SYT6: variants seen among roughly 807,000 people sequenced by gnomAD.
SYT6 encodes synaptotagmin 6.
SYT6 carries 24 observed loss-of-function variants against 38.4 expected under a neutral mutation model. The observed-to-expected ratio is 0.62, with a 90% CI of 0.45 to 0.88. SYT6 has a LOEUF of 0.88. SYT6 is among the 40% of genes least tolerant of loss of function. The pLI is 0.00. For synonymous variants in SYT6, 265 were observed against 241.9 expected, an observed-to-expected ratio of 1.10 and a Z score of -0.89; for missense variants, 611 against 621.0, an observed-to-expected ratio of 0.98 and a Z score of 0.17.
At chr1:114,094,513 G>A (rs1018651316) in intron 6 of SYT6, among the ~76,000 whole-genome samples, 1 of 152,208 alleles carries the variant, frequency 6.6e-6, no homozygotes, top group Admixed American at 6.5e-5. Flanking sequence ...TGGTGCTGCA[G>A]CTGGGAAAGG....
At chr1:114,143,410 G>A (rs1315244047) in intron 1 of SYT6, among the ~76,000 whole-genome samples, 3 of 148,294 alleles carry the variant, frequency 2.0e-5, no homozygotes, top group Non-Finnish European at 4.5e-5. Flanking sequence ...TAAAAGTTAT[G>A]TGTGTATATA....
chr1:114,100,395 C>A (rs151078462), intron 4 of SYT6, among the ~76,000 whole-genome samples: 2 of 152,170 alleles, frequency 1.3e-5, no homozygotes, highest in African/African-American at 4.8e-5. Flanking sequence ...TCCTGGACAT[C>A]GAGCACCCAC....
chr1:114,112,021 G>T (rs1020825621), intron 3 of SYT6, among the ~76,000 whole-genome samples: 1 of 152,196 alleles, frequency 6.6e-6, no homozygotes, highest in Non-Finnish European at 1.5e-5. Context: ...CTGTTGTGAC[G>T]CTCGGGGCTT....
chr1:114,100,216 G>T (rs1433361629), intron 4 of SYT6, among the ~76,000 whole-genome samples: 1 of 152,130 alleles, frequency 6.6e-6, no homozygotes, highest in Non-Finnish European at 1.5e-5. Context: ...TATTTATGCT[G>T]CACAGCTCAA....
intron 3 of SYT6, among the ~76,000 whole-genome samples, chr1:114,120,729 C>A (rs762528048): frequency 2.6e-5 from 4 of 152,218 alleles, no homozygotes; most frequent in African/African-American, 7.2e-5. Context: ...CAAAAAGGCT[C>A]TGTAAATTCA....
In SYT6 at chr1:114,091,882, G is replaced by T; in HGVS notation, c.*252C>A. On this transcript the variant is annotated 3_prime_UTR_variant, in exon 8 of 8. Transcript: ENST00000610222. ...CTCAGCTTTGACCTACACAGGAGCAGGTAAGACTCTGGAGTGACGGACGGC... is the reference window on the plus strand; with the variant it reads ...CTCAGCTTTGACCTACACAGGAGCATGTAAGACTCTGGAGTGACGGACGGC... 2 of 841,212 alleles carry T rather than the reference G, an allele frequency of 2.4e-6. No individual in the cohort carries two copies. Among genetic ancestry groups the T allele is most frequent in the Non-Finnish European group, 3.7e-6 (2 of 534,820 alleles). 52.1% of individuals were successfully genotyped at this position (841,212 alleles called of 1,614,324 possible). A position where few individuals can be genotyped will look rare whatever the true frequency, so the allele number is the denominator to read the frequency against.
intron 4 of SYT6, among the ~76,000 whole-genome samples, chr1:114,100,895 C>T (rs72628773): frequency 0.047 from 7,107 of 152,132 alleles, 672 homozygotes; most frequent in East Asian, 0.38. Context: ...GCTCAGGTGC[C>T]GCCTCATTCC....
chr1:114,116,537 A>G (rs192377254), intron 3 of SYT6, among the ~76,000 whole-genome samples: 1 of 152,302 alleles, frequency 6.6e-6, no homozygotes, highest in Admixed American at 6.5e-5. Flanking sequence ...TTAGGTCTTG[A>G]GGAAGGGTGA....
intron 6 of SYT6, among the ~76,000 whole-genome samples, chr1:114,094,469 T>A (rs527305590): frequency 6.6e-6 from 1 of 152,154 alleles, no homozygotes; most frequent in Admixed American, 6.5e-5. Context: ...GTAACAATGA[T>A]GACACATGGC....
At chr1:114,127,784 G>C (rs1167230291) in intron 3 of SYT6, among the ~76,000 whole-genome samples, 1 of 152,254 alleles carries the variant, frequency 6.6e-6, no homozygotes, top group African/African-American at 2.4e-5. Flanking sequence ...TAAACTGTGA[G>C]TAGGATGCAC....
intron 1 of SYT6, among the ~76,000 whole-genome samples, chr1:114,151,982 T>C (rs1000883964): frequency 1.6e-4 from 24 of 152,222 alleles, no homozygotes; most frequent in African/African-American, 5.5e-4. Flanking sequence ...TGACTAAACA[T>C]TGCCACAACT....
chr1:114,115,422 CTTT>C (rs34938214), intron 3 of SYT6, among the ~76,000 whole-genome samples: 2 of 141,854 alleles, frequency 1.4e-5, no homozygotes, highest in Non-Finnish European at 3.1e-5. Context: ...GTACTTAACA[CTTT>C]TTTTTTTTTT....
In SYT6 at chr1:114,103,668, T is replaced by A. The variant is rs1557734848; in HGVS notation, c.1125A>T (p.Ala375=). Residue 375 remains alanine (A), a synonymous_variant, in exon 4 of 8, where the codon GCA becomes GCT. Coordinates refer to ENST00000610222, the MANE Select transcript of SYT6 (RefSeq NM_001253772.2). The part of the protein sequence containing the change: ...IMFSLCYLPT[A]GRLTLTVIKC... ...TAATCACTGTGAGGGTGAGCCTGCC[T>A]GCAGTGGGCAGGTAGCAAAGGGAGA... 5 of 1,614,196 alleles carry A rather than the reference T, an allele frequency of 3.1e-6. No homozygotes were observed. Among genetic ancestry groups the A allele is most frequent in the Non-Finnish European group, 4.2e-6 (5 of 1,180,024 alleles).
intron 1 of SYT6, among the ~76,000 whole-genome samples, chr1:114,151,331 A>C (rs968125518): frequency 6.6e-6 from 1 of 152,104 alleles, no homozygotes; most frequent in African/African-American, 2.4e-5. Context: ...CCAAAGTTAA[A>C]GTTTTCCTGA....
At chr1:114,145,785 A>G (rs889551896) in intron 1 of SYT6, among the ~76,000 whole-genome samples, 1 of 152,238 alleles carries the variant, frequency 6.6e-6, no homozygotes, top group Non-Finnish European at 1.5e-5. Context: ...GGTAATAATT[A>G]GAATTTTAAT....
At position 114,153,732 on chromosome 1, in the gene SYT6, T is replaced by A; in HGVS notation, c.41A>T (p.Glu14Val). The A allele has an allele frequency of 1.5e-6, 1 of 681,972 alleles. No individual in the cohort carries two copies. Among genetic ancestry groups the A allele is most frequent in the Admixed American group, 2.1e-5 (1 of 48,000 alleles). The allele number at this position is 681,972 out of a possible 1,614,324, so 42.2% of individuals were successfully genotyped here. A position where few individuals can be genotyped will look rare whatever the true frequency, so the allele number is the denominator to read the frequency against. Residue 14 changes from glutamate to valine, a missense_variant, in exon 1 of 8, where the codon GAG becomes GTG. Glu to Val is a moderately radical substitution (Grantham distance 121). Coordinates refer to ENST00000610222, the MANE Select transcript of SYT6 (RefSeq NM_001253772.2). ...CAGCGAGGCGAGGACCGCGAGCGCC[T>A]CCTGGCACCGAGGCCCGCCGGCCCC... Reference protein sequence around the residue: ...VWGAGGPRCQEALAVLASLCR... With the variant: ...VWGAGGPRCQVALAVLASLCR...
At chr1:114,127,295 G>T (rs1177383585) in intron 3 of SYT6, among the ~76,000 whole-genome samples, 1 of 152,214 alleles carries the variant, frequency 6.6e-6, no homozygotes, top group Non-Finnish European at 1.5e-5. Context: ...CTGTGGGAGT[G>T]TGTGACTTGA....
intron 3 of SYT6, among the ~76,000 whole-genome samples, chr1:114,127,369 C>T (rs1163569803): frequency 6.6e-6 from 1 of 152,148 alleles, no homozygotes; most frequent in Admixed American, 6.5e-5. Flanking sequence ...GGAACCCACA[C>T]CTCTCCTCTT....
intron 3 of SYT6, among the ~76,000 whole-genome samples, chr1:114,108,187 G>A (rs745356598): frequency 1.3e-5 from 2 of 152,156 alleles, no homozygotes; most frequent in East Asian, 1.9e-4. Context: ...ACCTGATGTC[G>A]CTGCCCATAT....
Sources: gnomAD v4.1 joint callset for allele counts (sites outside exome capture counted in the v4.1 genomes callset) on GRCh38, gnomAD v4.1.1 for gene constraint, MANE v1.5 for transcripts, NCBI Gene and HGNC (gene_info 2026-07-23, HGNC 2026-07-21) for gene names.